The following PLAAT3 variants were observed in gnomAD, a reference collection of about 807,000 sequenced individuals.
PLAAT3 encodes phospholipase A and acyltransferase 3.
In PLAAT3, 21 loss-of-function variants were observed where a neutral mutation model predicts 16.7. The ratio of observed to expected loss-of-function variants is 1.26; its 90% CI spans 0.89 to 1.81. PLAAT3 has a LOEUF of 1.81. Among genes scored for constraint, PLAAT3 ranks in the 40% most tolerant of loss-of-function variants. The pLI is 0.00. For missense variants in PLAAT3, 219 were observed against 213.7 expected (o/e 1.02, Z -0.16); for synonymous variants, 76 against 81.7 (o/e 0.93, Z 0.38).
At chr11:63,599,841 G>A (rs1369876134) in intron 2 of PLAAT3, among the ~76,000 whole-genome samples, 1 of 152,170 alleles carries the variant, frequency 6.6e-6, no homozygotes, top group Non-Finnish European at 1.5e-5. Context: ...ATCCCTGAGG[G>A]AGGCTGCAGG....
rs1938760068 is a variant in PLAAT3, at chr11:63,613,935, GACA to G, written c.15+62_15+64del. 6 of 1,017,550 alleles carry G rather than the reference GACA, an allele frequency of 5.9e-6. No individual in the cohort carries two copies. The South Asian group carries it at 6.5e-5, about 11-fold the overall frequency. The allele number at this position is 1,017,550 out of a possible 1,614,324, so 63.0% of individuals were successfully genotyped here. On this transcript the variant is annotated intron_variant, in intron 2 of 4. Coordinates refer to ENST00000415826, the MANE Select transcript of PLAAT3 (RefSeq NM_001128203.2). ...TCGGAAGCAGTAATTCAGGCTCCGA[GACA>G]ACGAGTCCCCACTAACAGGGGGCTC...
chr11:63,586,134 A>ATGTG (rs1565248767), intron 4 of PLAAT3, among the ~76,000 whole-genome samples: 1 of 151,636 alleles, frequency 6.6e-6, no homozygotes, highest in African/African-American at 2.4e-5. Flanking sequence ...GTGTGTGTGC[A>ATGTG]CGTGTATGTG....
intron 2 of PLAAT3, among the ~76,000 whole-genome samples, chr11:63,603,518 G>A (rs571211673): frequency 4.5e-4 from 69 of 152,038 alleles, no homozygotes; most frequent in Admixed American, 1.4e-3. Context: ...TTGGATGCCG[G>A]GCTTAATACC....
intron 2 of PLAAT3, among the ~76,000 whole-genome samples, chr11:63,606,090 G>A (rs985145988): frequency 6.6e-6 from 1 of 151,994 alleles, no homozygotes; most frequent in South Asian, 2.1e-4. Context: ...CCCCTCTTCC[G>A]CCATCAAGAG....
intron 4 of PLAAT3, among the ~76,000 whole-genome samples, chr11:63,580,141 C>T (rs1308581444): frequency 6.6e-6 from 1 of 152,054 alleles, no homozygotes; most frequent in Admixed American, 6.5e-5. Flanking sequence ...CCTTCTACTA[C>T]TAGAGAGACT....
intron 2 of PLAAT3, among the ~76,000 whole-genome samples, chr11:63,610,886 A>C (rs966045259): frequency 2.6e-5 from 4 of 152,036 alleles, no homozygotes; most frequent in Admixed American, 6.6e-5. Flanking sequence ...CACAGAGAGG[A>C]GAGAAATAAT....
At chr11:63,605,992 C>T (rs1214242804) in intron 2 of PLAAT3, among the ~76,000 whole-genome samples, 2 of 152,158 alleles carry the variant, frequency 1.3e-5, no homozygotes, top group Non-Finnish European at 2.9e-5. Context: ...AGTCTTGATC[C>T]GCAGCTGTGG....
intron 2 of PLAAT3, among the ~76,000 whole-genome samples, chr11:63,607,076 C>T (rs1218365465): frequency 6.6e-6 from 1 of 152,096 alleles, no homozygotes; most frequent in Non-Finnish European, 1.5e-5. Flanking sequence ...TTTGAAGCTG[C>T]AGCCCACCGA....
At chr11:63,597,117 C>T (rs1473674513) in intron 3 of PLAAT3, among the ~76,000 whole-genome samples, 1 of 151,894 alleles carries the variant, frequency 6.6e-6, no homozygotes, top group Non-Finnish European at 1.5e-5. Flanking sequence ...AAGTGTGGCA[C>T]TCCCCCGCCT....
intron 2 of PLAAT3, among the ~76,000 whole-genome samples, chr11:63,599,317 G>T (rs1938366921): frequency 6.6e-6 from 1 of 152,144 alleles, no homozygotes; most frequent in Non-Finnish European, 1.5e-5. Flanking sequence ...ACTCCGGCTT[G>T]CTTGCACCTT....
chr11:63,607,721 GC>G (rs1938602511), intron 2 of PLAAT3, among the ~76,000 whole-genome samples: 1 of 151,932 alleles, frequency 6.6e-6, no homozygotes, highest in East Asian at 1.9e-4. Context: ...GGAGGAAGTA[GC>G]CTTTATGGAG....
At chr11:63,599,446 G>A (rs1018217528) in intron 2 of PLAAT3, among the ~76,000 whole-genome samples, 1 of 152,122 alleles carries the variant, frequency 6.6e-6, no homozygotes, top group Non-Finnish European at 1.5e-5. Context: ...TCCCCTGGGC[G>A]CAAATGATGG....
chr11:63,603,407 A>T (rs1938477187), intron 2 of PLAAT3, among the ~76,000 whole-genome samples: 1 of 152,166 alleles, frequency 6.6e-6, no homozygotes, highest in Non-Finnish European at 1.5e-5. Context: ...TTATCTTTCC[A>T]CAAAAGCAGT....
intron 2 of PLAAT3, among the ~76,000 whole-genome samples, chr11:63,611,115 TTTTG>T (rs2134435010): frequency 6.6e-6 from 1 of 152,184 alleles, no homozygotes; most frequent in East Asian, 1.9e-4. Context: ...TTTTATTGTG[TTTTG>T]TTTTTTTCTG....
intron 4 of PLAAT3, among the ~76,000 whole-genome samples, chr11:63,577,480 ACTTTTAAT>A (rs1168456888): frequency 6.6e-6 from 1 of 152,082 alleles, no homozygotes; most frequent in African/African-American, 2.4e-5. Context: ...AGGCAAGTGT[ACTTTTAAT>A]CATGAGCATA....
chr11:63,615,017 A>AATATATATATAT (rs1338719563), upstream of PLAAT3, among the ~76,000 whole-genome samples: 147 of 17,508 alleles, frequency 8.4e-3, 37 homozygotes, highest in East Asian at 0.13. Context: ...TCAGTCTCAA[A>AATATATATATAT]ATATATATAT....
chr11:63,603,225 C>A (rs1406897164), intron 2 of PLAAT3, among the ~76,000 whole-genome samples: 1 of 152,160 alleles, frequency 6.6e-6, no homozygotes, highest in East Asian at 1.9e-4. Context: ...GTTCTCTGTT[C>A]CAGGATCAAG....
chr11:63,615,126 ATATATGTATATGTG>A (rs1565259706), upstream of PLAAT3, among the ~76,000 whole-genome samples: 7 of 101,968 alleles, frequency 6.9e-5, 1 homozygote, highest in African/African-American at 1.3e-4. Flanking sequence ...ATATGTGTGT[ATATATGTATATGTG>A]TATATGTGTG....
chr11:63,590,395 G>A (rs1590689196), intron 3 of PLAAT3, 27 bp from the exon 4 acceptor site: 1 of 1,610,136 alleles, frequency 6.2e-7, no homozygotes. Flanking sequence ...AGGAAACAGA[G>A]GGATTGGTCC....
Sources: allele counts gnomAD v4.1 joint callset (sites outside exome capture counted in the v4.1 genomes callset), GRCh38; gene constraint gnomAD v4.1.1; transcripts MANE v1.5; gene names NCBI Gene and HGNC (gene_info 2026-07-23, HGNC 2026-07-21).